The following CDH4 variants were observed in gnomAD, a reference collection of about 807,000 sequenced individuals.
The protein encoded by CDH4 is cadherin 4.
Under a neutral mutation model 86.0 loss-of-function variants are expected in CDH4, and 33 were observed. The ratio of observed to expected loss-of-function variants is 0.38; its 90% CI spans 0.29 to 0.51. The LOEUF is 0.51. CDH4 is among the 20% of genes least tolerant of loss of function. The probability of loss-of-function intolerance (pLI) is 0.86; values close to 1 mark genes in which losing one functional copy is unlikely to be tolerated. For missense variants in CDH4, 1,114 were observed against 1,307.4 expected (o/e 0.85, Z 2.28); for synonymous variants, 555 against 549.4 (o/e 1.01, Z -0.14).
At chr20:61,301,064 G>T (rs564745228) in intron 2 of CDH4, among the ~76,000 whole-genome samples, 1 of 152,352 alleles carries the variant, frequency 6.6e-6, no homozygotes, top group South Asian at 2.1e-4. Context: ...CTCGCAGTGT[G>T]CCCGGGGCTG....
At position 61,939,706 on chromosome 20, in the gene CDH4, G is replaced by A. The variant is rs539916808; in HGVS notation, c.*2763G>A. The A allele has an allele frequency of 3.9e-5, 6 of 152,424 alleles. No homozygotes were observed. Among genetic ancestry groups the A allele is most frequent in the African/African-American group, 1.2e-4 (5 of 41,598 alleles). 9.4% of individuals were successfully genotyped at this position (152,424 alleles called of 1,614,324 possible). A position where few individuals can be genotyped will look rare whatever the true frequency, so the allele number is the denominator to read the frequency against. The stretch of plus-strand genomic sequence containing the variant: ...CGGGAGGCCAATGCTGGCCAGGTGC[G>A]AGGGCATGGTTTGGTTCCTTTAGGG... On this transcript the variant is annotated 3_prime_UTR_variant, in exon 16 of 16. Coordinates refer to ENST00000614565, the MANE Select transcript of CDH4 (RefSeq NM_001794.5).
chr20:61,850,885 C>T (rs1982688252), intron 5 of CDH4, among the ~76,000 whole-genome samples: 1 of 152,258 alleles, frequency 6.6e-6, no homozygotes. Flanking sequence ...ACAAGGAGGA[C>T]ACAGGCCACG....
chr20:61,635,559 C>G (rs979218567), intron 2 of CDH4, among the ~76,000 whole-genome samples: 1 of 152,168 alleles, frequency 6.6e-6, no homozygotes, highest in African/African-American at 2.4e-5. Context: ...GCAGGCATCC[C>G]CATGGTCCCC....
At chr20:61,735,210 A>C (rs2088247449) in intron 2 of CDH4, among the ~76,000 whole-genome samples, 1 of 152,160 alleles carries the variant, frequency 6.6e-6, no homozygotes, top group Non-Finnish European at 1.5e-5. Flanking sequence ...CCCCGTGGGC[A>C]CAGAGCTCAG....
Position 61,739,962 on chromosome 20 carries a change from C to T in CDH4, c.170-3601C>T, listed in dbSNP as rs538287361. On this transcript the variant is annotated intron_variant, in intron 2 of 15. Transcript: ENST00000614565. The stretch of plus-strand genomic sequence containing the variant: ...CCGTCAGGAGCGTCCTCTCTGTACA[C>T]GGAGACCCTCAGTGCATGCCGACAC... Among the ~76,000 whole-genome samples, 4 of 152,318 alleles carry T rather than the reference C, an allele frequency of 2.6e-5. No individual in the cohort carries two copies. In the South Asian group the frequency reaches 6.2e-4, roughly 24 times the overall value.
rs895024295 is a variant in CDH4 at position 61,873,776 on chromosome 20, C to T, written c.926C>T (p.Thr309Met). Reference sequence around the variant, plus strand: ...GCCAACGATGCTGACGACAGCACCACGGCCAACGGGATGGTGCGGTACCGG... The same window carrying T: ...GCCAACGATGCTGACGACAGCACCATGGCCAACGGGATGGTGCGGTACCGG... ...VTANDADDST[T>M]ANGMVRYRIV... is the part of the protein sequence containing the mutation. Residue 309 changes from threonine (T) to methionine (M), a missense_variant, in exon 7 of 16, where the codon ACG (threonine) becomes ATG (methionine). Physicochemically the swap from Thr to Met is moderately conservative, Grantham distance 81 (BLOSUM62 -1). Coordinates refer to ENST00000614565, the MANE Select transcript of CDH4 (RefSeq NM_001794.5). 11 of 1,613,872 alleles carry T rather than the reference C, an allele frequency of 6.8e-6. No homozygotes were observed. Among genetic ancestry groups the T allele is most frequent in the East Asian group, 2.2e-5 (1 of 44,896 alleles).
chr20:61,638,799 G>T (rs558615814), intron 2 of CDH4, among the ~76,000 whole-genome samples: 2 of 152,272 alleles, frequency 1.3e-5, no homozygotes, highest in East Asian at 3.9e-4. Flanking sequence ...ATGACGGATG[G>T]GTTATGGGAC....
intron 8 of CDH4, among the ~76,000 whole-genome samples, chr20:61,898,041 G>A (rs549691945): frequency 4.6e-5 from 7 of 152,304 alleles, no homozygotes; most frequent in East Asian, 3.9e-4. Context: ...TGACTGGGTC[G>A]CATGGTCCTG....
At chr20:61,614,003 A>T (rs1309383366) in intron 2 of CDH4, among the ~76,000 whole-genome samples, 1 of 152,114 alleles carries the variant, frequency 6.6e-6, no homozygotes, top group Non-Finnish European at 1.5e-5. Context: ...TTCGTCCTGC[A>T]GAGGCAGGTG....
intron 2 of CDH4, among the ~76,000 whole-genome samples, chr20:61,434,381 C>T (rs143480439): frequency 1.1e-4 from 17 of 152,244 alleles, no homozygotes; most frequent in African/African-American, 3.6e-4. Flanking sequence ...CTCTAAGCCC[C>T]GAGTTAAAGA....
intron 2 of CDH4, among the ~76,000 whole-genome samples, chr20:61,507,425 C>T (rs910595793): frequency 7.9e-5 from 12 of 152,106 alleles, no homozygotes; most frequent in African/African-American, 9.7e-5. Flanking sequence ...TCCGGGAGCA[C>T]GGGAGATCGC....
chr20:61,774,017 G>A (rs2088810191), intron 4 of CDH4, among the ~76,000 whole-genome samples: 1 of 152,198 alleles, frequency 6.6e-6, no homozygotes, highest in South Asian at 2.1e-4. Context: ...CGGCCACCAG[G>A]GGACCCCACC....
chr20:61,444,332 T>TA (rs1305433456), intron 2 of CDH4, among the ~76,000 whole-genome samples: 3,536 of 143,022 alleles, frequency 0.025, no homozygotes, highest in Admixed American at 0.028. Context: ...TGCACGTGTG[T>TA]TTCTCTGTGT....
chr20:61,923,632 G>T lies in CDH4; in HGVS notation c.1556G>T (p.Gly519Val), dbSNP rs1359575089. 6.2e-6 allele frequency: 10 copies of T among 1,613,994 alleles called. No homozygotes were observed. Among genetic ancestry groups the T allele is most frequent in the Non-Finnish European group, 8.5e-6 (10 of 1,180,040 alleles). ...SNHKLIRLEEGVPPGTVLTTF... is the reference protein window; with the variant it reads ...SNHKLIRLEEVVPPGTVLTTF... ...CACAAGCTGATCCGCCTGGAGGAGGGCGTGCCCCCCGGCACCGTGCTGACC... is the reference window on the plus strand; with the variant it reads ...CACAAGCTGATCCGCCTGGAGGAGGTCGTGCCCCCCGGCACCGTGCTGACC... Residue 519 changes from glycine to valine, a missense_variant, in exon 10 of 16, where the codon GGC (glycine) becomes GTC (valine). Physicochemically the swap from Gly to Val is moderately radical, Grantham distance 109. Around this residue, in one of 3 missense-constraint regions of CDH4, gnomAD observed 705 missense variants for 914.1 expected, o/e 0.77. Transcript: ENST00000614565.
rs770841734 is a variant in CDH4 at position 61,924,467 on chromosome 20, G to C, written c.1762G>C (p.Ala588Pro). ...NNVYEATFLA[A>P]DNGIPPASGT... ...CGTCTACGAGGCCACCTTCCTGGCA[G>C]CTGACAATGGTGCGGCCCACCCCAG... Residue 588 changes from alanine (A) to proline (P), a missense_variant, in exon 11 of 16, where the codon GCT becomes CCT. Transcript: ENST00000614565. 2 of 1,613,082 alleles carry C rather than the reference G, an allele frequency of 1.2e-6. No individual in the cohort carries two copies. Among genetic ancestry groups the C allele is most frequent in the African/African-American group, 2.7e-5 (2 of 74,912 alleles).
chr20:61,791,939 C>T (rs949945250), intron 4 of CDH4, among the ~76,000 whole-genome samples: 1 of 151,982 alleles, frequency 6.6e-6, no homozygotes, highest in East Asian at 1.9e-4. Flanking sequence ...TCCCAGGGCC[C>T]CCAGCCAGTA....
chr20:61,819,410 C>T (rs1053251757), intron 4 of CDH4, among the ~76,000 whole-genome samples: 4 of 151,268 alleles, frequency 2.6e-5, no homozygotes, highest in African/African-American at 7.3e-5. Context: ...TGCATTCGCT[C>T]GCTCTGCCCC....
rs764105068 is a variant in CDH4 at position 61,417,660 on chromosome 20, C to T, written c.169+162723C>T. Among the ~76,000 whole-genome samples, 7 of 152,222 alleles carry T rather than the reference C, an allele frequency of 4.6e-5. No homozygotes were observed. The highest frequency in any genetic ancestry group is 8.8e-5 in the Non-Finnish European group (6 of 68,048). On this transcript the variant is annotated intron_variant, in intron 2 of 15. Coordinates refer to ENST00000614565, the MANE Select transcript of CDH4 (RefSeq NM_001794.5). This position sits in a 1 kb window ranked among gnomAD's most constrained non-coding sequence, Gnocchi z 4.0. ...GTGGATTGGGGAGCAAATTTCTAGCCGCTTCCCTCTCAGAACATGCATTTC... is the reference window on the plus strand; with the variant it reads ...GTGGATTGGGGAGCAAATTTCTAGCTGCTTCCCTCTCAGAACATGCATTTC...
At chr20:61,719,612 T>C in intron 2 of CDH4, 1 of 170,780 alleles carries the variant, frequency 5.9e-6, no homozygotes, top group Non-Finnish European at 1.3e-5. Flanking sequence ...CATGGAGCTA[T>C]GTTTAGGCTG....
Sources: allele counts gnomAD v4.1 joint callset (sites outside exome capture counted in the v4.1 genomes callset), GRCh38; gene constraint gnomAD v4.1.1; regional missense constraint gnomAD v4.1.1; non-coding constraint Gnocchi (gnomAD v3.1); transcripts MANE v1.5; gene names NCBI Gene and HGNC (gene_info 2026-07-23, HGNC 2026-07-21).